LRRC49: variants seen among roughly 807,000 people sequenced by gnomAD.
LRRC49 encodes leucine-rich repeat-containing protein 49.
Under a neutral mutation model 83.3 loss-of-function variants are expected in LRRC49, and 50 were observed. The observed-to-expected ratio is 0.60, with a 90% confidence interval of 0.48 to 0.76. The LOEUF (loss-of-function observed/expected upper bound fraction) is 0.76. Among genes scored for constraint, LRRC49 ranks in the 30% least tolerant of loss-of-function variants. The pLI is 0.00. For synonymous variants in LRRC49, 286 were observed against 283.3 expected, an observed-to-expected ratio of 1.01 and a Z score of -0.10; for missense variants, 704 against 809.1, an observed-to-expected ratio of 0.87 and a Z score of 1.58.
chr15:71,032,160 A>C (rs1235650744), intron 14 of LRRC49, among the ~76,000 whole-genome samples: 1 of 152,210 alleles, frequency 6.6e-6, no homozygotes, highest in Non-Finnish European at 1.5e-5. Context: ...AGCAGATTGC[A>C]AATTAATGGG....
chr15:70,928,204 G>A (rs938849533), intron 7 of LRRC49, among the ~76,000 whole-genome samples: 2 of 152,100 alleles, frequency 1.3e-5, no homozygotes, highest in South Asian at 4.1e-4. Context: ...TCCACTTTTA[G>A]TTCTAGCTCT....
intron 1 of LRRC49, among the ~76,000 whole-genome samples, chr15:70,865,774 G>A (rs1404773239): frequency 6.6e-6 from 1 of 152,164 alleles, no homozygotes; most frequent in East Asian, 1.9e-4. Flanking sequence ...CCCTGGCCAT[G>A]GGACTTTCAG....
Position 71,008,445 on chromosome 15 carries a change from A to G in LRRC49, c.1236A>G (p.Glu412=). The G allele has an allele frequency of 1.2e-6, 2 of 1,612,998 alleles. No individual in the cohort carries two copies. Among genetic ancestry groups the G allele is most frequent in the Non-Finnish European group, 1.7e-6 (2 of 1,179,222 alleles). Residue 412 remains glutamate, a synonymous_variant, in exon 12 of 16, where the codon GAA becomes GAG. Coordinates refer to ENST00000260382, the MANE Select transcript of LRRC49 (RefSeq NM_017691.5). ...GLSVIDTYLV[E]VDGDTLSLYG... ...CTGTCATAGACACATACCTTGTTGAAGTGGACGGGGATACACTTTCCCTAT... is the reference window on the plus strand; with the variant it reads ...CTGTCATAGACACATACCTTGTTGAGGTGGACGGGGATACACTTTCCCTAT...
intron 7 of LRRC49, among the ~76,000 whole-genome samples, chr15:70,924,939 G>T (rs531889965): frequency 8.2e-4 from 125 of 151,946 alleles, no homozygotes; most frequent in African/African-American, 2.8e-3. Flanking sequence ...TGTGTCTAGG[G>T]TATCTTCTTT....
upstream of LRRC49, chr15:70,892,156 A>G (rs2955035): frequency 0.44 from 703,344 of 1,611,494 alleles, 159,571 homozygotes; most frequent in African/African-American, 0.71. Flanking sequence ...CGGCGCGGCA[A>G]CCCCGCACGA....
At chr15:70,919,024 C>T (rs200668600) in intron 6 of LRRC49, 26 bp from the exon 7 acceptor site, 4 of 1,584,004 alleles carry the variant, frequency 2.5e-6, no homozygotes, top group South Asian at 1.2e-5. Context: ...GCCTGCTAAT[C>T]ACCCTTCTCC....
intron 11 of LRRC49, among the ~76,000 whole-genome samples, chr15:70,986,743 C>G (rs1336582463): frequency 6.6e-6 from 1 of 152,160 alleles, no homozygotes; most frequent in Non-Finnish European, 1.5e-5. Flanking sequence ...CCAGTTTTTG[C>G]CCATTCAGTC....
chr15:70,853,867 C>A, intron 1 of LRRC49: 1 of 1,258,504 alleles, frequency 7.9e-7, no homozygotes, highest in East Asian at 3.3e-5. Flanking sequence ...GGCCCACCTC[C>A]CGGGCCAGCC....
chr15:71,010,582 A>G (rs933525376), intron 13 of LRRC49, among the ~76,000 whole-genome samples: 1 of 152,080 alleles, frequency 6.6e-6, no homozygotes, highest in Non-Finnish European at 1.5e-5. Flanking sequence ...AAGCTTTGTT[A>G]ATAGCTGGTA....
chr15:71,021,067 AT>A (rs1358274943), intron 14 of LRRC49, among the ~76,000 whole-genome samples: 1 of 152,190 alleles, frequency 6.6e-6, no homozygotes, highest in African/African-American at 2.4e-5. Flanking sequence ...CAAAAAAAAA[AT>A]CTCATGTTTT....
chr15:70,953,035 A>T (rs1205043014), intron 8 of LRRC49, among the ~76,000 whole-genome samples: 1 of 152,028 alleles, frequency 6.6e-6, no homozygotes, highest in African/African-American at 2.4e-5. Context: ...TACTTGTGAG[A>T]TGTGTCTCTT....
rs2034554667 is a variant in LRRC49 at position 70,911,618 on chromosome 15, T to C, written c.567+20T>C. 1 of 1,442,972 alleles carries C rather than the reference T, an allele frequency of 6.9e-7. No individual in the cohort carries two copies. Among genetic ancestry groups the C allele is most frequent in the African/African-American group, 1.5e-5 (1 of 68,774 alleles). The allele number at this position is 1,442,972 out of a possible 1,614,324, so 89.4% of individuals were successfully genotyped here. ...AATCAGGTATTGTAAAGCCCTTTCA[T>C]TTCTTTCTTTTTTGAAAAAAAGTCC... On this transcript the variant is annotated intron_variant, in intron 6 of 15. Transcript: ENST00000260382.
At chr15:70,879,324 T>C (rs911024083) in intron 2 of LRRC49, among the ~76,000 whole-genome samples, 1 of 152,232 alleles carries the variant, frequency 6.6e-6, no homozygotes, top group Non-Finnish European at 1.5e-5. Flanking sequence ...AGTTCCAACT[T>C]CTGGTCATCT....
chr15:70,928,020 G>A (rs967165780), intron 7 of LRRC49, among the ~76,000 whole-genome samples: 1 of 152,060 alleles, frequency 6.6e-6, no homozygotes, highest in African/African-American at 2.4e-5. Flanking sequence ...CCCACATAGG[G>A]ATATCTATTT....
intron 3 of LRRC49, 39 bp downstream of exon 3, chr15:70,895,975 C>A (rs1277525973): frequency 3.4e-6 from 4 of 1,162,308 alleles, no homozygotes; most frequent in Non-Finnish European, 5.0e-6. Context: ...GGTTCATCAT[C>A]TTTGAATAAT....
At chr15:70,933,002 T>A (rs1230695538) in intron 7 of LRRC49, among the ~76,000 whole-genome samples, 1 of 152,120 alleles carries the variant, frequency 6.6e-6, no homozygotes, top group Non-Finnish European at 1.5e-5. Context: ...TTGCTGGGAT[T>A]ACAGGCACAA....
chr15:70,892,415 T>G (rs976021500), upstream of LRRC49: 2 of 1,539,064 alleles, frequency 1.3e-6, no homozygotes, highest in African/African-American at 2.7e-5. Context: ...CTACCTCTGG[T>G]CACCGGAAGT....
intron 15 of LRRC49, among the ~76,000 whole-genome samples, chr15:71,041,634 C>T (rs948356908): frequency 2.6e-5 from 4 of 152,058 alleles, no homozygotes; most frequent in Non-Finnish European, 4.4e-5. Flanking sequence ...AATGGAAAAA[C>T]ATGCCATGTT....
intron 8 of LRRC49, among the ~76,000 whole-genome samples, chr15:70,953,551 A>AT (rs951717406): frequency 3.3e-5 from 5 of 152,008 alleles, no homozygotes; most frequent in African/African-American, 9.7e-5. Flanking sequence ...TGCTTTTAAG[A>AT]TTTTTTCTTT....
Sources: gnomAD v4.1 joint callset for allele counts (sites outside exome capture counted in the v4.1 genomes callset) on GRCh38, gnomAD v4.1.1 for gene constraint, MANE v1.5 for transcripts, NCBI Gene and HGNC (gene_info 2026-07-23, HGNC 2026-07-21) for gene names.